FOXN3: variants seen among roughly 807,000 people sequenced by gnomAD.
FOXN3 encodes forkhead box protein N3.
A neutral mutation model predicts 38.4 loss-of-function variants in FOXN3; 7 were observed. That is an observed-to-expected ratio of 0.18 (90% CI 0.10 to 0.34). FOXN3 has a LOEUF of 0.34. FOXN3 is among the 10% of genes least tolerant of loss of function. The pLI, the probability that FOXN3 is intolerant of heterozygous loss-of-function variation, is 1.00. For synonymous variants in FOXN3, 230 were observed against 242.2 expected (o/e 0.95, Z 0.47); for missense variants, 456 against 613.4 (o/e 0.74, Z 2.71).
chr14:89,162,908 C>A lies in FOXN3; in HGVS notation c.913G>T (p.Val305Phe). The change falls in exon 6 of 6, where the codon GTC (valine) becomes TTC (phenylalanine). Residue 305 changes from valine to phenylalanine, a missense_variant. Around this residue, in one of 3 missense-constraint regions of FOXN3, gnomAD observed 386 missense variants for 505.2 expected, o/e 0.76. Transcript: ENST00000557258. This position sits in a 1 kb window ranked among gnomAD's most constrained non-coding sequence, Gnocchi z 7.2. ...ESEPSCGSPV[V>F]SGDPKEDHNY... The stretch of plus-strand genomic sequence containing the variant: ...TGATCCTCCTTGGGGTCTCCGCTGA[C>A]CACTGGGGAGCCACAAGATGGCTCA... 6.3e-6 allele frequency: 10 copies of A among 1,595,578 alleles called. No individual in the cohort carries two copies. Among genetic ancestry groups the A allele is most frequent in the Non-Finnish European group, 7.7e-6 (9 of 1,168,662 alleles).
chr14:89,476,566 A>T (rs1418412171), intron 1 of FOXN3, among the ~76,000 whole-genome samples: 1 of 152,238 alleles, frequency 6.6e-6, no homozygotes, highest in East Asian at 1.9e-4. Flanking sequence ...TCATATGCAC[A>T]CATCAGAGTG....
At chr14:89,358,337 A>T (rs958637888) in intron 2 of FOXN3, among the ~76,000 whole-genome samples, 1 of 152,114 alleles carries the variant, frequency 6.6e-6, no homozygotes, top group Non-Finnish European at 1.5e-5. Context: ...CCAGAGAAGG[A>T]GTTTTCAGGG....
At chr14:89,585,635 G>A (rs762314221) in intron 1 of FOXN3, among the ~76,000 whole-genome samples, 6 of 151,990 alleles carry the variant, frequency 3.9e-5, no homozygotes, top group Non-Finnish European at 2.9e-5. Flanking sequence ...CTAGCAGAAG[G>A]AGATGGATAA....
chr14:89,306,894 T>C (rs769577138), intron 3 of FOXN3, among the ~76,000 whole-genome samples: 25 of 152,318 alleles, frequency 1.6e-4, no homozygotes, highest in Non-Finnish European at 3.7e-4. Context: ...TTCAATGCCA[T>C]AAATAACATT....
chr14:89,188,862 A>G (rs923525183), intron 4 of FOXN3, among the ~76,000 whole-genome samples: 2 of 152,210 alleles, frequency 1.3e-5, no homozygotes, highest in African/African-American at 4.8e-5. Context: ...AAAAATTTAA[A>G]AACATATACA....
intron 4 of FOXN3, among the ~76,000 whole-genome samples, chr14:89,266,029 G>C (rs1404069354): frequency 1.3e-5 from 2 of 152,086 alleles, no homozygotes; most frequent in African/African-American, 2.4e-5. Context: ...GCCAACCTTG[G>C]GATCTTCCCA....
At chr14:89,375,050 G>A (rs924906704) in intron 2 of FOXN3, among the ~76,000 whole-genome samples, 4 of 152,128 alleles carry the variant, frequency 2.6e-5, no homozygotes, top group African/African-American at 9.6e-5. Context: ...TAATCTACAG[G>A]GACAGAAAGT....
rs1042375490 is a variant in FOXN3, at chr14:89,531,870, C to T, written c.-15+87158G>A. Among the ~76,000 whole-genome samples the T allele has an allele frequency of 5.3e-5, 8 of 152,256 alleles. No homozygotes were observed. The South Asian group carries it at 1.7e-3, about 32-fold the overall frequency. Reference sequence around the variant, plus strand: ...TGGCACCCAGGCTGGAGTGCAGTGGCGCAATCTCAGCTCACCGCAACCTCC... The same window carrying T: ...TGGCACCCAGGCTGGAGTGCAGTGGTGCAATCTCAGCTCACCGCAACCTCC... On this transcript the variant is annotated intron_variant, in intron 1 of 6. Coordinates refer to the FOXN3 transcript ENST00000345097.
chr14:89,242,047 A>G (rs1369363711), intron 4 of FOXN3, among the ~76,000 whole-genome samples: 1 of 152,198 alleles, frequency 6.6e-6, no homozygotes, highest in Non-Finnish European at 1.5e-5. Flanking sequence ...TGGGCACTGG[A>G]ACTGAAAGAC....
In FOXN3 at chr14:89,431,958, G is replaced by A. The variant is rs1187629432; in HGVS notation, c.-14-19468C>T. Among the ~76,000 whole-genome samples, 4 of 151,604 alleles carry A rather than the reference G, an allele frequency of 2.6e-5. No homozygotes were observed. In the East Asian group the frequency reaches 5.9e-4, roughly 22 times the overall value. On this transcript the variant is annotated intron_variant, in intron 1 of 6. Transcript: ENST00000345097. The stretch of plus-strand genomic sequence containing the variant: ...TCAAACTCCTGACCTCAGGTGATCC[G>A]CCTGCCTCGGCCTCCCAAAGTGCTG...
At position 89,357,471 on chromosome 14, in the gene FOXN3, G is replaced by A. The variant is rs112524146; in HGVS notation, c.544-6663C>T. Among the ~76,000 whole-genome samples, 1,510 of 152,134 alleles carry A rather than the reference G, an allele frequency of 9.9e-3. 21 individuals carry two copies. The highest frequency in any genetic ancestry group is 0.035 in the African/African-American group (1,437 of 41,504). On this transcript the variant is annotated intron_variant, in intron 2 of 5. Transcript: ENST00000557258. ...AAAATACAAAAAATTAGCCGGGCAC[G>A]GTGGCATGCACCTGTAATCCCAGCT...
chr14:89,246,067 T>C (rs75132758), intron 4 of FOXN3, among the ~76,000 whole-genome samples: 6,045 of 152,252 alleles, frequency 0.04, 365 homozygotes, highest in African/African-American at 0.14. Flanking sequence ...ATGAAAATAT[T>C]CTAAAACTGC....
At chr14:89,603,079 G>T (rs920667085) in intron 1 of FOXN3, among the ~76,000 whole-genome samples, 1 of 151,986 alleles carries the variant, frequency 6.6e-6, no homozygotes, top group African/African-American at 2.4e-5. Context: ...CCCCCTTGCA[G>T]TCAGATGTGG....
At chr14:89,441,084 C>T (rs1216980550) in intron 1 of FOXN3, among the ~76,000 whole-genome samples, 1 of 152,110 alleles carries the variant, frequency 6.6e-6, no homozygotes, top group Non-Finnish European at 1.5e-5. Flanking sequence ...GCCGAGGCTC[C>T]GGCTTCCCTT....
chr14:89,506,664 G>A (rs1380054737), intron 1 of FOXN3, among the ~76,000 whole-genome samples: 2 of 152,108 alleles, frequency 1.3e-5, no homozygotes, highest in Admixed American at 6.5e-5. Flanking sequence ...GATAACAATC[G>A]CGGTTTTGTG....
At chr14:89,367,213 G>A (rs1176449242) in intron 2 of FOXN3, among the ~76,000 whole-genome samples, 1 of 152,126 alleles carries the variant, frequency 6.6e-6, no homozygotes, top group African/African-American at 2.4e-5. Flanking sequence ...TTGTGAGCCT[G>A]GCTTTTAGCC....
chr14:89,175,619 G>A (rs1887501248), intron 5 of FOXN3, among the ~76,000 whole-genome samples: 1 of 152,186 alleles, frequency 6.6e-6, no homozygotes, highest in African/African-American at 2.4e-5. Context: ...CTCTTGAGAA[G>A]CCCATGGGCA....
intron 4 of FOXN3, among the ~76,000 whole-genome samples, chr14:89,207,861 A>G (rs966063573): frequency 2.0e-5 from 3 of 152,170 alleles, no homozygotes; most frequent in Non-Finnish European, 4.4e-5. Context: ...TTGAAGTTTT[A>G]TTTCCCTCTT....
intron 1 of FOXN3, among the ~76,000 whole-genome samples, chr14:89,569,772 G>A (rs753859149): frequency 4.6e-5 from 7 of 152,254 alleles, no homozygotes; most frequent in South Asian, 2.1e-4. Flanking sequence ...CCTCAGATCC[G>A]TGCCTGCCAA....
Sources: allele counts gnomAD v4.1 joint callset (sites outside exome capture counted in the v4.1 genomes callset), GRCh38; gene constraint gnomAD v4.1.1; regional missense constraint gnomAD v4.1.1; non-coding constraint Gnocchi (gnomAD v3.1); transcripts MANE v1.5; gene names NCBI Gene and HGNC (gene_info 2026-07-23, HGNC 2026-07-21).